CATSPERB: variants seen among roughly 807,000 people sequenced by gnomAD.
CATSPERB encodes cation channel sperm-associated auxiliary subunit beta.
A neutral mutation model predicts 128.3 loss-of-function variants in CATSPERB; 93 were observed. The observed-to-expected ratio is 0.72, with a 90% confidence interval of 0.61 to 0.86. The LOEUF (loss-of-function observed/expected upper bound fraction) is 0.86, where lower values mean the gene tolerates loss of function less well. CATSPERB is among the 40% of genes least tolerant of loss of function. The pLI is 0.00. For missense variants in CATSPERB, 1,153 were observed against 1,329.5 expected, an observed-to-expected ratio of 0.87 and a Z score of 2.06; for synonymous variants, 381 against 448.8, an observed-to-expected ratio of 0.85 and a Z score of 1.91.
intron 7 of CATSPERB, among the ~76,000 whole-genome samples, chr14:91,701,610 C>T (rs573715806): frequency 6.6e-5 from 10 of 151,944 alleles, no homozygotes; most frequent in African/African-American, 2.4e-4. Context: ...TGATGGGAGG[C>T]CTGATGGTTT....
At chr14:91,654,274 C>A (rs2139817114) in intron 15 of CATSPERB, among the ~76,000 whole-genome samples, 1 of 152,320 alleles carries the variant, frequency 6.6e-6, no homozygotes, top group Middle Eastern at 3.4e-3. Flanking sequence ...ACCAGCTTGG[C>A]CACAGTGGAC....
At chr14:91,584,442 A>G (rs566669783) in intron 26 of CATSPERB, among the ~76,000 whole-genome samples, 3 of 152,168 alleles carry the variant, frequency 2.0e-5, no homozygotes, top group Non-Finnish European at 4.4e-5. Flanking sequence ...TATTTTCTTA[A>G]CAATTCTTTT....
chr14:91,626,243 CT>C (rs2139792313), intron 17 of CATSPERB, among the ~76,000 whole-genome samples: 1 of 151,830 alleles, frequency 6.6e-6, no homozygotes, highest in South Asian at 2.1e-4. Context: ...ATGGCAATTA[CT>C]TTTTTCCCTC....
In CATSPERB at chr14:91,617,691, T is replaced by C. The variant is rs756147981; in HGVS notation, c.2306A>G (p.Asn769Ser). 6.2e-7 allele frequency: 1 copy of C among 1,601,624 alleles called. No individual in the cohort carries two copies. The highest frequency in any genetic ancestry group is 8.5e-7 in the Non-Finnish European group (1 of 1,175,722). ...AGCTGTAACTTCCAACAAATTAGGG[T>C]TTCCAACAAACACAGTCAGTAGTGG... ...EIPLLTVFVG[N>S]PNLLEVTAEV... Residue 769 changes from asparagine (N) to serine (S), a missense_variant, in exon 20 of 27, where the codon AAC becomes AGC. Coordinates refer to ENST00000256343, the MANE Select transcript of CATSPERB (RefSeq NM_024764.4).
At chr14:91,649,331 A>ATGTGTGTGTGTGTGTGTGTATG (rs1894663471) in intron 15 of CATSPERB, among the ~76,000 whole-genome samples, 1 of 147,334 alleles carries the variant, frequency 6.8e-6, no homozygotes, top group African/African-American at 2.5e-5. Context: ...GTATACATAT[A>ATGTGTGTGTGTGTGTGTGTATG]TGTGTGTGTG....
At chr14:91,619,774 G>T (rs1481676241) in intron 19 of CATSPERB, among the ~76,000 whole-genome samples, 2 of 151,722 alleles carry the variant, frequency 1.3e-5, no homozygotes, top group Non-Finnish European at 2.9e-5. Context: ...AATGGAGACT[G>T]ATTTTTCCCT....
chr14:91,631,123 G>C (rs1894268640), intron 17 of CATSPERB, among the ~76,000 whole-genome samples: 1 of 152,154 alleles, frequency 6.6e-6, no homozygotes, highest in Admixed American at 6.5e-5. Context: ...ATATGAATTT[G>C]TTTTGGTTTA....
chr14:91,684,916 G>A (rs551369124), intron 10 of CATSPERB, among the ~76,000 whole-genome samples: 31 of 151,746 alleles, frequency 2.0e-4, no homozygotes, highest in African/African-American at 5.6e-4. Context: ...TGCGCTGACC[G>A]AGGAGTCACT....
At chr14:91,636,239 T>C in intron 17 of CATSPERB, 186 bp downstream of exon 17, 1 of 542,676 alleles carries the variant, frequency 1.8e-6, no homozygotes, top group Non-Finnish European at 3.2e-6. Flanking sequence ...GGTGTGTGCC[T>C]GCAGTCCCAG....
At chr14:91,628,075 T>C (rs1461047870) in intron 17 of CATSPERB, among the ~76,000 whole-genome samples, 1 of 152,242 alleles carries the variant, frequency 6.6e-6, no homozygotes, top group Non-Finnish European at 1.5e-5. Flanking sequence ...AGAGTTTTTC[T>C]TGTGCTTGTT....
chr14:91,730,137 C>T (rs555776863), intron 1 of CATSPERB, among the ~76,000 whole-genome samples: 1 of 152,296 alleles, frequency 6.6e-6, no homozygotes, highest in Non-Finnish European at 1.5e-5. Context: ...ACCCTTACCT[C>T]AGAAGGCAAT....
At chr14:91,649,362 T>TGTGTAG (rs10684529) in intron 15 of CATSPERB, among the ~76,000 whole-genome samples, 3 of 149,696 alleles carry the variant, frequency 2.0e-5, no homozygotes, top group African/African-American at 7.4e-5. Flanking sequence ...TGTGTGTGTG[T>TGTGTAG]AGAGATTGTT....
intron 13 of CATSPERB, 78 bp from the exon 14 acceptor site, chr14:91,670,050 G>A: frequency 8.2e-7 from 1 of 1,225,224 alleles, no homozygotes; most frequent in Non-Finnish European, 1.2e-6. Flanking sequence ...CTTGCATTTT[G>A]ATTAAGAGAG....
intron 26 of CATSPERB, among the ~76,000 whole-genome samples, chr14:91,584,732 T>C (rs1044453607): frequency 6.6e-6 from 1 of 152,222 alleles, no homozygotes; most frequent in South Asian, 2.1e-4. Flanking sequence ...ACTTTAAAGA[T>C]GTTGTATAAC....
chr14:91,674,175 C>T lies in CATSPERB; in HGVS notation c.978+1G>A. ...AACTTATAAAATATTCAATATCATACCTCACTTAGGGTTCTGTTTCTCTCA... is the reference window on the plus strand; with the variant it reads ...AACTTATAAAATATTCAATATCATATCTCACTTAGGGTTCTGTTTCTCTCA... On this transcript the variant is annotated splice_donor_variant, in intron 12 of 26. Transcript: ENST00000256343. LOFTEE classifies it high-confidence loss of function. 1 of 1,492,984 alleles carries T rather than the reference C, an allele frequency of 6.7e-7. No individual in the cohort carries two copies. Among genetic ancestry groups the T allele is most frequent in the Non-Finnish European group, 9.2e-7 (1 of 1,081,370 alleles). The allele number at this position is 1,492,984 out of a possible 1,614,324, so 92.5% of individuals were successfully genotyped here.
intron 6 of CATSPERB, among the ~76,000 whole-genome samples, chr14:91,705,284 C>G (rs1302542842): frequency 6.6e-6 from 1 of 152,046 alleles, no homozygotes; most frequent in Non-Finnish European, 1.5e-5. Context: ...CTTCTAGAGC[C>G]CACTCATTTA....
intron 5 of CATSPERB, 53 bp from the exon 6 acceptor site, chr14:91,708,289 G>T: frequency 1.7e-6 from 2 of 1,211,286 alleles, no homozygotes; most frequent in South Asian, 1.3e-5. Context: ...TGTTGTGTTT[G>T]GTGAAATTTA....
At chr14:91,675,929 C>T (rs140047245) in intron 11 of CATSPERB, among the ~76,000 whole-genome samples, 66 of 152,248 alleles carry the variant, frequency 4.3e-4, no homozygotes, top group African/African-American at 1.5e-3. Flanking sequence ...GCCTGTATCC[C>T]ACTTACGGTT....
At chr14:91,610,748 T>G in intron 20 of CATSPERB, 71 bp from the exon 21 acceptor site, 1 of 1,437,886 alleles carries the variant, frequency 7.0e-7, no homozygotes, top group Non-Finnish European at 9.6e-7. Context: ...CAACCAAAAA[T>G]CACATGTTGA....
Sources: gnomAD v4.1 joint callset for allele counts (sites outside exome capture counted in the v4.1 genomes callset) on GRCh38, gnomAD v4.1.1 for gene constraint, MANE v1.5 for transcripts, NCBI Gene and HGNC (gene_info 2026-07-23, HGNC 2026-07-21) for gene names.